GORAB: variants seen among roughly 807,000 people sequenced by gnomAD.
The protein encoded by GORAB is RAB6-interacting golgin.
A neutral mutation model predicts 29.9 loss-of-function variants in GORAB; 17 were observed. The ratio of observed to expected loss-of-function variants is 0.57; its 90% CI spans 0.39 to 0.85. The LOEUF (loss-of-function observed/expected upper bound fraction) is 0.85. Among genes scored for constraint, GORAB ranks in the 40% least tolerant of loss-of-function variants. The pLI is 0.00. For missense variants in GORAB, 442 were observed against 437.8 expected (o/e 1.01, Z -0.09); for synonymous variants, 183 against 157.2 (o/e 1.16, Z -1.23).
intron 2 of GORAB, among the ~76,000 whole-genome samples, chr1:170,540,930 T>G (rs559636877): frequency 1.3e-5 from 2 of 152,082 alleles, no homozygotes; most frequent in South Asian, 4.1e-4. Flanking sequence ...AGGACAGGCG[T>G]GGTGGCCCAC....
rs138997948 is a variant in GORAB at position 170,534,612 on chromosome 1, A to C, written c.61+2328A>C. Among the ~76,000 whole-genome samples the C allele has an allele frequency of 3.7e-3, 570 of 152,264 alleles. 3 individuals carry two copies. Among genetic ancestry groups the C allele is most frequent in the Non-Finnish European group, 6.5e-3 (443 of 68,016 alleles). ...AATATTATAATACCCTGTTTTTACT[A>C]TGCTTTTTCTATGTTTAGATACACA... is the stretch of plus-strand genomic sequence containing the variant. On this transcript the variant is annotated intron_variant, in intron 1 of 4. Transcript: ENST00000367763.
intron 1 of GORAB, chr1:170,532,582 G>T: frequency 2.5e-6 from 1 of 403,126 alleles, no homozygotes; most frequent in Non-Finnish European, 4.7e-6. Flanking sequence ...CTACAGCCGG[G>T]GTGTCTCCCT....
Position 170,542,575 on chromosome 1 carries a change from T to G in GORAB, c.504T>G (p.Ala168=). The G allele has an allele frequency of 1.2e-6, 2 of 1,612,892 alleles. No individual in the cohort carries two copies. Among genetic ancestry groups the G allele is most frequent in the Non-Finnish European group, 1.7e-6 (2 of 1,178,942 alleles). The part of the protein sequence containing the change: ...EKNKRKKALL[A]KAIAERSKRT... ...ATAAACGTAAAAAAGCTCTTTTGGC[T>G]AAAGCTATTGCAGAAAGGTGAGGCA... The change falls in exon 3 of 5, where the codon GCT becomes GCG. Residue 168 remains alanine, a synonymous_variant. Coordinates refer to ENST00000367763, the MANE Select transcript of GORAB (RefSeq NM_152281.3).
At chr1:170,543,279 TCTC>T (rs1383691354) in intron 3 of GORAB, among the ~76,000 whole-genome samples, 5 of 152,202 alleles carry the variant, frequency 3.3e-5, no homozygotes. Flanking sequence ...TTCTGTCTAA[TCTC>T]CTGTGGCCTT....
chr1:170,540,297 T>A (rs1173117553), intron 2 of GORAB, among the ~76,000 whole-genome samples: 1 of 152,192 alleles, frequency 6.6e-6, no homozygotes, highest in Non-Finnish European at 1.5e-5. Flanking sequence ...AAGATGCCAT[T>A]TTTTGATTTG....
chr1:170,552,413 A>C lies in GORAB; in HGVS notation c.1061A>C (p.Asn354Thr), dbSNP rs1234120301. The C allele has an allele frequency of 6.2e-7, 1 of 1,614,008 alleles. No homozygotes were observed. Among genetic ancestry groups the C allele is most frequent in the African/African-American group, 1.3e-5 (1 of 75,018 alleles). ...NSSSIPFLSP[N>T]CPNQEGNDIS... The stretch of plus-strand genomic sequence containing the variant: ...AGTAGCATCCCCTTTCTTAGTCCAA[A>C]CTGCCCAAATCAAGAAGGTAATGAC... Residue 354 changes from asparagine to threonine, a missense_variant, in exon 5 of 5, where the codon AAC (asparagine) becomes ACC (threonine). Coordinates refer to ENST00000367763, the MANE Select transcript of GORAB (RefSeq NM_152281.3).
At chr1:170,536,435 C>A (rs1423588329) in intron 1 of GORAB, 1 of 152,144 alleles carries the variant, frequency 6.6e-6, no homozygotes. Context: ...CTATTTTACA[C>A]CCATTTGATT....
intron 1 of GORAB, chr1:170,533,640 G>A (rs780091001): frequency 3.0e-5 from 13 of 429,628 alleles, no homozygotes; most frequent in South Asian, 1.9e-4. Context: ...TAGCAGAGGC[G>A]CATTTTCCAG....
At chr1:170,535,103 A>T (rs116675766) in intron 1 of GORAB, among the ~76,000 whole-genome samples, 2,639 of 152,286 alleles carry the variant, frequency 0.017, 36 homozygotes, top group South Asian at 0.052. Context: ...AGAAAAGAAG[A>T]TTGAAAATTG....
Position 170,552,016 on chromosome 1 carries a change from A to G in GORAB, c.664A>G (p.Lys222Glu). The change falls in exon 5 of 5, where the codon AAG becomes GAG. Residue 222 changes from lysine (K) to glutamate (E), a missense_variant and splice_region_variant. Coordinates refer to ENST00000367763, the MANE Select transcript of GORAB (RefSeq NM_152281.3). Reference sequence around the variant, plus strand: ...CTATCTTTATACACATCCTTACAGGAAGCGGTTTGACAGGGCTGAAGCAGA... The same window carrying G: ...CTATCTTTATACACATCCTTACAGGGAGCGGTTTGACAGGGCTGAAGCAGA... ...QASLDYSYAR[K>E]RFDRAEAEYI... 1 of 1,613,480 alleles carries G rather than the reference A, an allele frequency of 6.2e-7. No individual in the cohort carries two copies. Among genetic ancestry groups the G allele is most frequent in the Non-Finnish European group, 8.5e-7 (1 of 1,179,496 alleles).
In GORAB at chr1:170,545,625, C is replaced by T. The variant is rs532848314; in HGVS notation, c.662+780C>T. On this transcript the variant is annotated intron_variant, in intron 4 of 4. Transcript: ENST00000367763. ...GTTTGTCTTTTTTCACAAGGGAATGCTGTGTTAATGACTCAGTTTTCTATC... is the reference window on the plus strand; with the variant it reads ...GTTTGTCTTTTTTCACAAGGGAATGTTGTGTTAATGACTCAGTTTTCTATC... 54 of 985,320 alleles carry T rather than the reference C, an allele frequency of 5.5e-5. No individual in the cohort carries two copies. In the African/African-American group the frequency reaches 9.1e-4, roughly 17 times the overall value. The allele number at this position is 985,320 out of a possible 1,614,324, so 61.0% of individuals were successfully genotyped here.
In GORAB at chr1:170,553,103, C is replaced by T; in HGVS notation, c.*641C>T. ...CCTGCGTTTTGTTATTTGAAACACA[C>T]ACACTTATATATAAACACATGTAAT... On this transcript the variant is annotated 3_prime_UTR_variant, in exon 5 of 5. Transcript: ENST00000367763. 2.2e-6 allele frequency: 1 copy of T among 452,664 alleles called. No homozygotes were observed. The highest frequency in any genetic ancestry group is 6.9e-4 in the Middle Eastern group (1 of 1,440). The allele number at this position is 452,664 out of a possible 1,614,324, so 28.0% of individuals were successfully genotyped here. A position where few individuals can be genotyped will look rare whatever the true frequency, so the allele number is the denominator to read the frequency against.
chr1:170,542,436 G>A lies in GORAB; in HGVS notation c.420-55G>A, dbSNP rs1649488972. The stretch of plus-strand genomic sequence containing the variant: ...TGAGACTGGTAAGGTGTTGGATAGG[G>A]TAGCAGTTTCTTTTTCTTTCATAAA... On this transcript the variant is annotated intron_variant, in intron 2 of 4. Coordinates refer to ENST00000367763, the MANE Select transcript of GORAB (RefSeq NM_152281.3). 22 of 1,001,512 alleles carry A rather than the reference G, an allele frequency of 2.2e-5. No homozygotes were observed. In the South Asian group the frequency reaches 2.7e-4, roughly 12 times the overall value. 62.0% of individuals were successfully genotyped at this position (1,001,512 alleles called of 1,614,324 possible). A position where few individuals can be genotyped will look rare whatever the true frequency, so the allele number is the denominator to read the frequency against.
intron 1 of GORAB, 158 bp from the exon 2 acceptor site, chr1:170,539,052 G>A: frequency 2.5e-6 from 2 of 790,664 alleles, no homozygotes; most frequent in Non-Finnish European, 4.1e-6. Flanking sequence ...AACTCTACAG[G>A]AAGATGGCTG....
intron 4 of GORAB, among the ~76,000 whole-genome samples, chr1:170,546,346 C>T (rs146157466): frequency 1.3e-3 from 194 of 151,474 alleles, no homozygotes; most frequent in African/African-American, 4.3e-3. Context: ...GCCAAGATTG[C>T]GCCACTGCAC....
At chr1:170,533,596 T>G (rs1648854271) in intron 1 of GORAB, 1 of 454,128 alleles carries the variant, frequency 2.2e-6, no homozygotes, top group Non-Finnish European at 4.4e-6. Context: ...GGGGATTGGA[T>G]GGAGCTTGGG....
intron 2 of GORAB, among the ~76,000 whole-genome samples, chr1:170,540,468 C>T (rs1023398618): frequency 6.6e-6 from 1 of 151,268 alleles, no homozygotes; most frequent in African/African-American, 2.4e-5. Flanking sequence ...TAATCTCTGA[C>T]ATCTTTTTAA....
chr1:170,547,136 T>G (rs1258281839), intron 4 of GORAB, among the ~76,000 whole-genome samples: 2 of 152,172 alleles, frequency 1.3e-5, no homozygotes, highest in Non-Finnish European at 2.9e-5. Context: ...AAATTACAGA[T>G]CGGTAAAATA....
chr1:170,536,588 A>C (rs1411867615), intron 1 of GORAB, among the ~76,000 whole-genome samples: 1 of 152,222 alleles, frequency 6.6e-6, no homozygotes, highest in African/African-American at 2.4e-5. Flanking sequence ...AGTAGTTCTT[A>C]GATAATATCC....
Sources: gnomAD v4.1 joint callset for allele counts (sites outside exome capture counted in the v4.1 genomes callset) on GRCh38, gnomAD v4.1.1 for gene constraint, MANE v1.5 for transcripts, NCBI Gene and HGNC (gene_info 2026-07-23, HGNC 2026-07-21) for gene names.